Variants in NUBPL observed in about 807,000 individuals in gnomAD.
NUBPL encodes the protein NUBP iron-sulfur cluster assembly factor, mitochondrial, also known as iron-sulfur cluster transfer protein NUBPL.
NUBPL carries 31 observed loss-of-function variants against 45.7 expected under a neutral mutation model. The ratio of observed to expected loss-of-function variants is 0.68; its 90% CI spans 0.51 to 0.92. The LOEUF is 0.92. Among genes scored for constraint, NUBPL ranks in the 40% least tolerant of loss-of-function variants. NUBPL has a pLI of 0.00. For missense variants in NUBPL, 401 were observed against 398.7 expected, an observed-to-expected ratio of 1.01 and a Z score of -0.05; for synonymous variants, 144 against 140.9, an observed-to-expected ratio of 1.02 and a Z score of -0.15.
At chr14:31,642,836 A>T (rs575313389) in intron 4 of NUBPL, among the ~76,000 whole-genome samples, 1 of 152,040 alleles carries the variant, frequency 6.6e-6, no homozygotes, top group African/African-American at 2.4e-5. Context: ...TTCTTTCATC[A>T]GTGTTTTATG....
At chr14:31,754,435 T>C (rs2138699125) in intron 6 of NUBPL, among the ~76,000 whole-genome samples, 1 of 152,156 alleles carries the variant, frequency 6.6e-6, no homozygotes, top group Non-Finnish European at 1.5e-5. Flanking sequence ...TAAGTGAAAC[T>C]ATGAGAATGC....
intron 6 of NUBPL, among the ~76,000 whole-genome samples, chr14:31,692,607 G>A (rs1247777884): frequency 6.6e-6 from 1 of 152,156 alleles, no homozygotes; most frequent in Non-Finnish European, 1.5e-5. Flanking sequence ...TTGTTTCCTA[G>A]CAACTAAAGA....
intron 3 of NUBPL, among the ~76,000 whole-genome samples, chr14:31,593,387 G>A (rs1161144311): frequency 1.3e-5 from 2 of 151,848 alleles, no homozygotes; most frequent in Non-Finnish European, 2.9e-5. Context: ...GCTGGGGGGC[G>A]TCTGTAGTCC....
chr14:31,757,310 G>A lies in NUBPL; in HGVS notation c.514-30470G>A, dbSNP rs559166631. Among the ~76,000 whole-genome samples the A allele has an allele frequency of 4.3e-3, 648 of 150,492 alleles. 6 individuals carry two copies. Among genetic ancestry groups the A allele is most frequent in the Non-Finnish European group, 5.8e-3 (394 of 67,606 alleles). On this transcript the variant is annotated intron_variant, in intron 6 of 10. Transcript: ENST00000281081. ...CCTTCTTGTACCTCTGGTAGAATTC[G>A]GCTGTGAATCCATCTGGTCCTGGAC... is the stretch of plus-strand genomic sequence containing the variant.
At chr14:31,578,724 T>C (rs1420419967) in intron 3 of NUBPL, among the ~76,000 whole-genome samples, 1 of 152,210 alleles carries the variant, frequency 6.6e-6, no homozygotes, top group African/African-American at 2.4e-5. Flanking sequence ...TCTCTCTCTC[T>C]TGTCTTCCAA....
At chr14:31,857,843 T>TG (rs1555344622) in intron 10 of NUBPL, among the ~76,000 whole-genome samples, 3 of 151,888 alleles carry the variant, frequency 2.0e-5, no homozygotes, top group African/African-American at 7.3e-5. Context: ...TTCCAAACTT[T>TG]CCACATTTTC....
chr14:31,602,430 T>C (rs2034466542), intron 4 of NUBPL, among the ~76,000 whole-genome samples: 1 of 151,014 alleles, frequency 6.6e-6, no homozygotes, highest in South Asian at 2.1e-4. Context: ...CATGGAAGAC[T>C]GTACTTTGAG....
intron 4 of NUBPL, among the ~76,000 whole-genome samples, chr14:31,637,305 T>C (rs565701385): frequency 1.3e-5 from 2 of 152,342 alleles, no homozygotes; most frequent in Admixed American, 1.3e-4. Context: ...TTCTTGTTGG[T>C]TTCAAAGAAC....
chr14:31,761,486 C>A (rs1278243229), intron 6 of NUBPL, among the ~76,000 whole-genome samples: 1 of 152,106 alleles, frequency 6.6e-6, no homozygotes, highest in Non-Finnish European at 1.5e-5. Flanking sequence ...CTGGCCTTGC[C>A]CACTCTCACC....
chr14:31,605,440 T>C (rs2034558666), intron 4 of NUBPL, among the ~76,000 whole-genome samples: 1 of 152,222 alleles, frequency 6.6e-6, no homozygotes, highest in Admixed American at 6.5e-5. Flanking sequence ...AAAATGGATA[T>C]GTCAAGTATT....
chr14:31,670,832 T>C (rs1487336687), intron 4 of NUBPL, among the ~76,000 whole-genome samples: 1 of 152,190 alleles, frequency 6.6e-6, no homozygotes, highest in Non-Finnish European at 1.5e-5. Flanking sequence ...TTGGTCCATG[T>C]GCCTGTTTTT....
At chr14:31,637,252 T>A (rs2035532070) in intron 4 of NUBPL, among the ~76,000 whole-genome samples, 1 of 152,252 alleles carries the variant, frequency 6.6e-6, no homozygotes, top group Non-Finnish European at 1.5e-5. Flanking sequence ...CTCTACATAC[T>A]GCTTTGAATG....
At chr14:31,648,944 G>T (rs192072583) in intron 4 of NUBPL, among the ~76,000 whole-genome samples, 285 of 152,060 alleles carry the variant, frequency 1.9e-3, no homozygotes, top group Non-Finnish European at 3.2e-3. Context: ...CAGTAGCTGG[G>T]ATTACAGGTG....
rs574832098 is a variant in NUBPL at position 31,618,368 on chromosome 14, G to A, written c.382+18989G>A. On this transcript the variant is annotated intron_variant, in intron 4 of 10. Coordinates refer to ENST00000281081, the MANE Select transcript of NUBPL (RefSeq NM_025152.3). ...TCTAGTTCTTTTAATTGTGATGTTA[G>A]GGTGTCAATTTTAGATCTTTCCTGC... 2.0e-4 allele frequency among the ~76,000 whole-genome samples: 31 copies of A among 152,180 alleles called. 1 individual carries two copies. The South Asian group carries it at 5.0e-3, about 24-fold the overall frequency.
intron 6 of NUBPL, among the ~76,000 whole-genome samples, chr14:31,777,257 A>G (rs911192774): frequency 1.4e-4 from 22 of 152,218 alleles, no homozygotes; most frequent in African/African-American, 5.3e-4. Context: ...CTGTTGGCAG[A>G]TAGCATTGCA....
At chr14:31,770,052 T>G (rs2038980099) in intron 6 of NUBPL, among the ~76,000 whole-genome samples, 2 of 152,262 alleles carry the variant, frequency 1.3e-5, no homozygotes, top group South Asian at 4.1e-4. Flanking sequence ...CAGTGCTTGT[T>G]TTTTTTAATA....
chr14:31,714,366 AT>A (rs2037640880), intron 6 of NUBPL, among the ~76,000 whole-genome samples: 1 of 152,234 alleles, frequency 6.6e-6, no homozygotes, highest in Non-Finnish European at 1.5e-5. Flanking sequence ...CTGTGAAGGA[AT>A]ACCTGAAACT....
intron 7 of NUBPL, among the ~76,000 whole-genome samples, chr14:31,823,380 T>C (rs569071039): frequency 3.9e-5 from 6 of 152,254 alleles, no homozygotes; most frequent in Non-Finnish European, 8.8e-5. Flanking sequence ...AAAAAGTGTT[T>C]AAAACAGTAA....
intron 6 of NUBPL, among the ~76,000 whole-genome samples, chr14:31,770,861 C>T (rs971924880): frequency 2.0e-5 from 3 of 152,076 alleles, no homozygotes; most frequent in Non-Finnish European, 2.9e-5. Context: ...TTTGCCAAGG[C>T]GGTTTCAGTA....
Sources: allele counts gnomAD v4.1 joint callset (sites outside exome capture counted in the v4.1 genomes callset), GRCh38; gene constraint gnomAD v4.1.1; transcripts MANE v1.5; gene names NCBI Gene and HGNC (gene_info 2026-07-23, HGNC 2026-07-21).